Variants in TOX2 observed in about 807,000 individuals in gnomAD.
TOX2 encodes TOX high mobility group box family member 2.
In TOX2, 15 loss-of-function variants were observed where a neutral mutation model predicts 47.4. The ratio of observed to expected loss-of-function variants is 0.32; its 90% CI spans 0.21 to 0.49. The LOEUF (loss-of-function observed/expected upper bound fraction) is 0.49. Among genes scored for constraint, TOX2 ranks in the 20% least tolerant of loss-of-function variants. TOX2 has a pLI of 0.99. For synonymous variants in TOX2, 290 were observed against 296.6 expected (o/e 0.98, Z 0.23); for missense variants, 622 against 673.1 (o/e 0.92, Z 0.84).
At chr20:44,041,791 A>G (rs1490319072) in intron 3 of TOX2, among the ~76,000 whole-genome samples, 1 of 152,232 alleles carries the variant, frequency 6.6e-6, no homozygotes, top group Non-Finnish European at 1.5e-5. Flanking sequence ...TCCAACAAGT[A>G]TTTGCTTTTG....
At chr20:44,025,802 C>T (rs1042046469) in intron 3 of TOX2, among the ~76,000 whole-genome samples, 6 of 151,834 alleles carry the variant, frequency 4.0e-5, no homozygotes, top group Non-Finnish European at 8.8e-5. Flanking sequence ...CAAGCCCCAG[C>T]TCTATCCTGG....
chr20:44,018,263 A>C (rs930283900), intron 3 of TOX2, among the ~76,000 whole-genome samples: 4 of 152,102 alleles, frequency 2.6e-5, no homozygotes, highest in African/African-American at 9.7e-5. Context: ...CACCCTTTCC[A>C]TCCCCTGCTG....
chr20:43,937,498 G>A (rs891074158), intron 1 of TOX2, among the ~76,000 whole-genome samples: 1 of 152,128 alleles, frequency 6.6e-6, no homozygotes, highest in African/African-American at 2.4e-5. Context: ...GTCAGTTGCA[G>A]AGGATTTGGG....
intron 3 of TOX2, among the ~76,000 whole-genome samples, chr20:44,021,812 T>TC (rs1007805085): frequency 1.3e-5 from 2 of 151,718 alleles, no homozygotes; most frequent in Non-Finnish European, 2.9e-5. Flanking sequence ...ATTTTTTTTT[T>TC]TTTTTAAGAG....
At chr20:44,015,371 T>TA (rs1429164369) in intron 3 of TOX2, among the ~76,000 whole-genome samples, 2 of 152,240 alleles carry the variant, frequency 1.3e-5, no homozygotes, top group African/African-American at 4.8e-5. Context: ...TCCGTTTTCT[T>TA]ACCCTGAACT....
At chr20:43,944,739 C>A (rs74709630) in intron 1 of TOX2, among the ~76,000 whole-genome samples, 2 of 152,172 alleles carry the variant, frequency 1.3e-5, no homozygotes, top group East Asian at 3.8e-4. Context: ...TCCTCAGCAG[C>A]CTTTGCTGCT....
At chr20:43,993,362 C>T (rs539095420) in intron 2 of TOX2, among the ~76,000 whole-genome samples, 3 of 152,130 alleles carry the variant, frequency 2.0e-5, no homozygotes, top group Admixed American at 6.5e-5. Flanking sequence ...AGGTGATGAC[C>T]GCTTGGACTA....
At chr20:44,040,512 A>C (rs1463294480) in intron 3 of TOX2, among the ~76,000 whole-genome samples, 2 of 152,178 alleles carry the variant, frequency 1.3e-5, no homozygotes, top group Non-Finnish European at 2.9e-5. Context: ...GGAGAAGCTC[A>C]ACTCCACCTT....
chr20:43,927,223 T>A (rs1316229074), intron 1 of TOX2, among the ~76,000 whole-genome samples: 1 of 152,184 alleles, frequency 6.6e-6, no homozygotes, highest in African/African-American at 2.4e-5. Context: ...CAGAGTTGCC[T>A]GGTAACATAG....
At chr20:43,930,065 C>G (rs1440852996) in intron 1 of TOX2, among the ~76,000 whole-genome samples, 1 of 152,170 alleles carries the variant, frequency 6.6e-6, no homozygotes, top group South Asian at 2.1e-4. Context: ...TGGTTGCTCC[C>G]CCTTCAGGAT....
At chr20:44,014,128 CAAAAAAAAAAA>C (rs55721806) in intron 3 of TOX2, among the ~76,000 whole-genome samples, 7 of 53,570 alleles carry the variant, frequency 1.3e-4, no homozygotes, top group East Asian at 6.9e-4. Flanking sequence ...GAGACTATCT[CAAAAAAAAAAA>C]AAAAAAAAAA....
intron 1 of TOX2, among the ~76,000 whole-genome samples, chr20:43,959,842 AG>A (rs1384785271): frequency 2.6e-5 from 4 of 152,342 alleles, no homozygotes; most frequent in African/African-American, 9.6e-5. Flanking sequence ...CTGAGGCTCT[AG>A]ACTGCTGACT....
Position 43,973,297 on chromosome 20 carries a change from G to A in TOX2, c.100-70G>A, listed in dbSNP as rs898014794. 1.5e-5 allele frequency: 23 copies of A among 1,498,946 alleles called. No individual in the cohort carries two copies. In the South Asian group the frequency reaches 1.6e-4, roughly 10 times the overall value. The allele number at this position is 1,498,946 out of a possible 1,614,324, so 92.9% of individuals were successfully genotyped here. On this transcript the variant is annotated intron_variant, in intron 1 of 8. Transcript: ENST00000341197. ...TGCAGTCAGTCCCCTGCCCTCCTCC[G>A]GCTGCTTCTCCTGGTGCCTTCCTGA... is the stretch of plus-strand genomic sequence containing the variant.
At chr20:43,919,317 A>T (rs945685843) in intron 1 of TOX2, among the ~76,000 whole-genome samples, 1 of 152,174 alleles carries the variant, frequency 6.6e-6, no homozygotes, top group Admixed American at 6.5e-5. Flanking sequence ...TCATAAATAT[A>T]TGGGTGAAAT....
In TOX2 at chr20:44,039,220, G is replaced by A. The variant is rs768794341; in HGVS notation, c.412-12086G>A. ...AGAGGGAAGGCTTCTCTGAGGAGGT[G>A]ACATTTCAGGTAAGCCATAAAGGAG... On this transcript the variant is annotated intron_variant, in intron 3 of 8. Transcript: ENST00000341197. 3 of 1,287,772 alleles carry A rather than the reference G, an allele frequency of 2.3e-6. No individual in the cohort carries two copies. The South Asian group carries it at 3.7e-5, about 16-fold the overall frequency. 79.8% of individuals were successfully genotyped at this position (1,287,772 alleles called of 1,614,324 possible). A position where few individuals can be genotyped will look rare whatever the true frequency, so the allele number is the denominator to read the frequency against.
chr20:44,040,227 G>T (rs2071309994), intron 3 of TOX2, among the ~76,000 whole-genome samples: 1 of 152,172 alleles, frequency 6.6e-6, no homozygotes, highest in African/African-American at 2.4e-5. Flanking sequence ...ATCATCACGG[G>T]GATGCCCCTA....
In TOX2 at chr20:43,981,697, G is replaced by A. The variant is rs141022820; in HGVS notation, c.165+8265G>A. Among the ~76,000 whole-genome samples the A allele has an allele frequency of 8.5e-5, 13 of 152,364 alleles. No homozygotes were observed. In the East Asian group the frequency reaches 2.1e-3, roughly 25 times the overall value. ...TTAGCTCAAACACTTCTGAGGGATT[G>A]GGTGAGATGAAAGTTGAAATGTGTC... On this transcript the variant is annotated intron_variant, in intron 2 of 8. Transcript: ENST00000341197.
intron 1 of TOX2, among the ~76,000 whole-genome samples, chr20:43,939,253 C>T (rs2069370260): frequency 6.6e-6 from 1 of 152,194 alleles, no homozygotes; most frequent in Admixed American, 6.5e-5. Context: ...TACTTAACCT[C>T]TCTATGCCTC....
At chr20:43,938,436 A>G (rs1411154455) in intron 1 of TOX2, among the ~76,000 whole-genome samples, 1 of 152,192 alleles carries the variant, frequency 6.6e-6, no homozygotes, top group Non-Finnish European at 1.5e-5. Context: ...TGTCCCGGAA[A>G]GCACGTCTCA....
Sources: allele counts gnomAD v4.1 joint callset (sites outside exome capture counted in the v4.1 genomes callset), GRCh38; gene constraint gnomAD v4.1.1; transcripts MANE v1.5; gene names NCBI Gene and HGNC (gene_info 2026-07-23, HGNC 2026-07-21).